Variants in EFR3B observed in about 807,000 individuals in gnomAD.
The protein encoded by EFR3B is protein EFR3 homolog B.
Under a neutral mutation model 104.7 loss-of-function variants are expected in EFR3B, and 64 were observed. That is an observed-to-expected ratio of 0.61 (90% CI 0.50 to 0.75). The LOEUF (loss-of-function observed/expected upper bound fraction) is 0.75, where lower values mean the gene tolerates loss of function less well. Among genes scored for constraint, EFR3B ranks in the 30% least tolerant of loss-of-function variants. EFR3B has a pLI of 0.00. For synonymous variants in EFR3B, 385 were observed against 417.9 expected, an observed-to-expected ratio of 0.92 and a Z score of 0.96; for missense variants, 750 against 1,078.5, an observed-to-expected ratio of 0.70 and a Z score of 4.27.
intron 3 of EFR3B, among the ~76,000 whole-genome samples, chr2:25,098,503 G>A (rs949444753): frequency 7.2e-5 from 11 of 152,060 alleles, no homozygotes; most frequent in Admixed American, 2.0e-4. Context: ...CTTCTAACTC[G>A]GGGATCCCAG....
intron 4 of EFR3B, among the ~76,000 whole-genome samples, chr2:25,116,834 A>G (rs938883446): frequency 1.3e-5 from 2 of 152,034 alleles, no homozygotes; most frequent in Non-Finnish European, 2.9e-5. Context: ...TGGTTTTAGG[A>G]AAGGGATTAC....
At chr2:25,148,655 G>T (rs1670907999) in intron 19 of EFR3B, among the ~76,000 whole-genome samples, 2 of 150,760 alleles carry the variant, frequency 1.3e-5, no homozygotes, top group South Asian at 4.3e-4. Flanking sequence ...GGGCGCGGTG[G>T]CTCACGCCTG....
intron 5 of EFR3B, among the ~76,000 whole-genome samples, chr2:25,122,746 G>A (rs1027479952): frequency 1.3e-5 from 2 of 151,978 alleles, no homozygotes; most frequent in Non-Finnish European, 2.9e-5. Context: ...TCACTCTGCC[G>A]GGGTTTCTTT....
chr2:25,083,946 T>G (rs1668878675), intron 1 of EFR3B, among the ~76,000 whole-genome samples: 1 of 152,142 alleles, frequency 6.6e-6, no homozygotes, highest in Non-Finnish European at 1.5e-5. Context: ...AGTGGTTCTC[T>G]TTCCACATAG....
intron 1 of EFR3B, among the ~76,000 whole-genome samples, chr2:25,082,103 G>A (rs1668825325): frequency 6.6e-6 from 1 of 152,214 alleles, no homozygotes; most frequent in African/African-American, 2.4e-5. Context: ...GTCCTCTGTC[G>A]CAAGGCTGCC....
At chr2:25,112,719 A>G (rs1669754045) in intron 4 of EFR3B, among the ~76,000 whole-genome samples, 2 of 152,234 alleles carry the variant, frequency 1.3e-5, no homozygotes, top group Non-Finnish European at 2.9e-5. Context: ...TTTTCTACCC[A>G]GATTAAGTCT....
chr2:25,145,184 T>G, intron 19 of EFR3B, 133 bp downstream of exon 19: 1 of 780,932 alleles, frequency 1.3e-6, no homozygotes, highest in East Asian at 2.7e-5. Context: ...TCCACACTTG[T>G]ACTGACTCTC....
In EFR3B at chr2:25,081,376, T is replaced by C. The variant is rs564331717; in HGVS notation, c.8-9949T>C. Reference sequence around the variant, plus strand: ...CCAGAGAACTTGCCAGCAGTACTCATAGTTACAGTTTATCCTGCACATGTT... The same window carrying C: ...CCAGAGAACTTGCCAGCAGTACTCACAGTTACAGTTTATCCTGCACATGTT... On this transcript the variant is annotated intron_variant, in intron 1 of 22. Coordinates refer to ENST00000403714, the MANE Select transcript of EFR3B (RefSeq NM_014971.2). 6 of 1,020,618 alleles carry C rather than the reference T, an allele frequency of 5.9e-6. No homozygotes were observed. In the African/African-American group the frequency reaches 9.5e-5, roughly 16 times the overall value. The allele number at this position is 1,020,618 out of a possible 1,614,324, so 63.2% of individuals were successfully genotyped here.
intron 3 of EFR3B, among the ~76,000 whole-genome samples, chr2:25,100,738 C>A (rs745430782): frequency 3.9e-5 from 6 of 152,172 alleles, no homozygotes; most frequent in Non-Finnish European, 5.9e-5. Flanking sequence ...GTGATCTGCC[C>A]GCCTCGGCCT....
chr2:25,155,016 T>C lies in EFR3B; in HGVS notation c.*676T>C, dbSNP rs1003735325. 3 of 152,160 alleles carry C rather than the reference T, an allele frequency of 2.0e-5. No individual in the cohort carries two copies. Among genetic ancestry groups the C allele is most frequent in the Non-Finnish European group, 4.4e-5 (3 of 68,158 alleles). The allele number at this position is 152,160 out of a possible 1,614,324, so 9.4% of individuals were successfully genotyped here. A position where few individuals can be genotyped will look rare whatever the true frequency, so the allele number is the denominator to read the frequency against. On this transcript the variant is annotated 3_prime_UTR_variant, in exon 23 of 23. Transcript: ENST00000403714. ...GGCATCAGCAGGCCCAGCGGGCGAG[T>C]GTGGTCCCTGCAGCAGCTTCCCACC...
intron 4 of EFR3B, among the ~76,000 whole-genome samples, chr2:25,111,772 C>T (rs1669730845): frequency 6.6e-6 from 1 of 152,166 alleles, no homozygotes; most frequent in Non-Finnish European, 1.5e-5. Flanking sequence ...TGAAGATGCC[C>T]TGCTGCTGGC....
At chr2:25,126,269 A>G (rs1279393248) in intron 5 of EFR3B, among the ~76,000 whole-genome samples, 1 of 151,968 alleles carries the variant, frequency 6.6e-6, no homozygotes, top group African/African-American at 2.4e-5. Context: ...GCTCACTGCA[A>G]CCTTTGCCTC....
rs751943378 is a variant in EFR3B at position 25,131,921 on chromosome 2, G to GGGGCC, written c.1147+19_1147+23dup. 2.0e-6 allele frequency: 3 copies of GGGGCC among 1,497,044 alleles called. No homozygotes were observed. The highest frequency in any genetic ancestry group is 2.4e-4 in the Middle Eastern group (1 of 4,236). 92.7% of individuals were successfully genotyped at this position (1,497,044 alleles called of 1,614,324 possible). ...GTCATCAAGACCGTGGGTGCGGCGC[G>GGGGCC]GGGCCGGGCCGGGGCGGGGCGGGGC... On this transcript the variant is annotated intron_variant, in intron 10 of 22. Coordinates refer to ENST00000403714, the MANE Select transcript of EFR3B (RefSeq NM_014971.2). This position sits in a 1 kb window ranked among gnomAD's most constrained non-coding sequence, Gnocchi z 7.6.
chr2:25,058,766 C>A (rs1328364063), intron 1 of EFR3B, among the ~76,000 whole-genome samples: 2 of 133,822 alleles, frequency 1.5e-5, no homozygotes, highest in Admixed American at 1.4e-4. Flanking sequence ...CTCCCCGCGC[C>A]CCCCCCCCCA....
intron 1 of EFR3B, among the ~76,000 whole-genome samples, chr2:25,068,181 G>A (rs1054836542): frequency 6.6e-6 from 1 of 152,168 alleles, no homozygotes; most frequent in African/African-American, 2.4e-5. Context: ...TAAGGTCAGG[G>A]CTGATGTGTG....
Position 25,103,738 on chromosome 2 carries a change from A to C in EFR3B, c.314A>C (p.Lys105Thr). ...GAGAGCTTCCTCAAGATGGTGGCCA[A>C]GCTGCTGGAGTCAGAGAAACCCAAC... Reference protein sequence around the residue: ...FVESFLKMVAKLLESEKPNLQ... With the variant: ...FVESFLKMVATLLESEKPNLQ... The change falls in exon 4 of 23, where the codon AAG becomes ACG. Residue 105 changes from lysine to threonine, a missense_variant. Lys to Thr is a moderately conservative substitution (Grantham distance 78, BLOSUM62 -1). Coordinates refer to ENST00000403714, the MANE Select transcript of EFR3B (RefSeq NM_014971.2). 1 of 1,551,760 alleles carries C rather than the reference A, an allele frequency of 6.4e-7. No homozygotes were observed. Among genetic ancestry groups the C allele is most frequent in the Non-Finnish European group, 8.7e-7 (1 of 1,146,992 alleles).
rs575827576 is a variant in EFR3B at position 25,065,709 on chromosome 2, C to A, written c.7+23390C>A. On this transcript the variant is annotated intron_variant, in intron 1 of 22. Coordinates refer to ENST00000403714, the MANE Select transcript of EFR3B (RefSeq NM_014971.2). ...TCTCACTGCTTCTTCCTCTCTCAGC[C>A]ATTTTTCTTCTGGAAATTCACCTCC... Among the ~76,000 whole-genome samples, 7 of 152,304 alleles carry A rather than the reference C, an allele frequency of 4.6e-5. No individual in the cohort carries two copies. In the East Asian group the frequency reaches 1.4e-3, roughly 29 times the overall value.
rs60305327 is a variant in EFR3B at position 25,064,711 on chromosome 2, C to T, written c.7+22392C>T. ...AGATGAATGAATTCCTACGAGGAGC[C>T]CAGATCACATTAAAGAAAGCTGAAT... On this transcript the variant is annotated intron_variant, in intron 1 of 22. Coordinates refer to ENST00000403714, the MANE Select transcript of EFR3B (RefSeq NM_014971.2). 3.4e-3 allele frequency among the ~76,000 whole-genome samples: 516 copies of T among 152,204 alleles called. 6 individuals carry two copies. The highest frequency in any genetic ancestry group is 0.012 in the African/African-American group (489 of 41,520).
In EFR3B at chr2:25,130,593, C is replaced by A; in HGVS notation, c.812C>A (p.Ala271Asp). Residue 271 changes from alanine (A) to aspartate (D), a missense_variant, in exon 8 of 23, where the codon GCC (alanine) becomes GAC (aspartate). Physicochemically the swap from Ala to Asp is moderately radical, Grantham distance 126. Transcript: ENST00000403714. This position sits in a 1 kb window ranked among gnomAD's most constrained non-coding sequence, Gnocchi z 4.6. ...TCTCTTTGGGAACCCAAGGTGTTTG[C>A]CATCCGTTGCTTTAAAATCATCATG... Reference protein sequence around the residue: ...NHSLWEPKVFAIRCFKIIMYS... With the variant: ...NHSLWEPKVFDIRCFKIIMYS... 6.4e-7 allele frequency: 1 copy of A among 1,551,714 alleles called. No homozygotes were observed. Among genetic ancestry groups the A allele is most frequent in the Non-Finnish European group, 8.7e-7 (1 of 1,146,996 alleles).
Sources: allele counts gnomAD v4.1 joint callset (sites outside exome capture counted in the v4.1 genomes callset), GRCh38; gene constraint gnomAD v4.1.1; non-coding constraint Gnocchi (gnomAD v3.1); transcripts MANE v1.5; gene names NCBI Gene and HGNC (gene_info 2026-07-23, HGNC 2026-07-21).